Variants in NXPH1 observed in about 807,000 individuals in gnomAD.
The protein encoded by NXPH1 is neurexophilin 1.
In NXPH1, 5 loss-of-function variants were observed where a neutral mutation model predicts 23.7. The ratio of observed to expected loss-of-function variants is 0.21; its 90% CI spans 0.11 to 0.44. The LOEUF is 0.44. Ranked by LOEUF, NXPH1 falls within the 20% of genes least tolerant of loss-of-function variation. NXPH1 has a pLI of 0.99. For synonymous variants in NXPH1, 144 were observed against 122.2 expected (o/e 1.18, Z -1.18); for missense variants, 324 against 321.6 (o/e 1.01, Z -0.06).
intron 2 of NXPH1, among the ~76,000 whole-genome samples, chr7:8,470,682 C>A (rs1340108671): frequency 1.3e-5 from 2 of 152,150 alleles, no homozygotes; most frequent in Non-Finnish European, 2.9e-5. Flanking sequence ...CTTGCTTAGG[C>A]ATTTCATAGC....
At chr7:8,639,849 C>G (rs1004917813) in intron 2 of NXPH1, among the ~76,000 whole-genome samples, 4 of 152,180 alleles carry the variant, frequency 2.6e-5, no homozygotes, top group Non-Finnish European at 2.9e-5. Flanking sequence ...TGCCTTTCGC[C>G]TTCACCATGA....
At chr7:8,501,405 A>G (rs1350935932) in intron 2 of NXPH1, among the ~76,000 whole-genome samples, 1 of 152,026 alleles carries the variant, frequency 6.6e-6, no homozygotes, top group Non-Finnish European at 1.5e-5. Flanking sequence ...ATACCCAGCC[A>G]TGTATCCTGG....
chr7:8,519,062 CT>C (rs1817729871), intron 2 of NXPH1, among the ~76,000 whole-genome samples: 1 of 152,134 alleles, frequency 6.6e-6, no homozygotes, highest in Non-Finnish European at 1.5e-5. Flanking sequence ...GTCTCCTCAA[CT>C]TTCCATTACC....
chr7:8,546,908 C>T (rs1476596086), intron 2 of NXPH1, among the ~76,000 whole-genome samples: 1 of 151,422 alleles, frequency 6.6e-6, no homozygotes, highest in Non-Finnish European at 1.5e-5. Flanking sequence ...CTCTTTGACC[C>T]TCAAATACTT....
At position 8,452,116 on chromosome 7, in the gene NXPH1, G is replaced by A. The variant is rs986719287; in HGVS notation, c.54+16349G>A. The stretch of plus-strand genomic sequence containing the variant: ...GTGAAATTGATTTGGTCCCAGGCCC[G>A]GAAATGGAACTTTGTCAGTGATTCT... On this transcript the variant is annotated intron_variant, in intron 2 of 2. Transcript: ENST00000405863. Among the ~76,000 whole-genome samples, 3 of 152,142 alleles carry A rather than the reference G, an allele frequency of 2.0e-5. No individual in the cohort carries two copies. In the East Asian group the frequency reaches 5.8e-4, roughly 29 times the overall value.
intron 2 of NXPH1, among the ~76,000 whole-genome samples, chr7:8,655,459 C>CACACAT (rs1471954421): frequency 3.8e-5 from 5 of 131,960 alleles, no homozygotes; most frequent in African/African-American, 1.4e-4. Flanking sequence ...TATACACACA[C>CACACAT]ACACACACAC....
At chr7:8,663,178 G>C (rs1820706645) in intron 2 of NXPH1, among the ~76,000 whole-genome samples, 1 of 152,086 alleles carries the variant, frequency 6.6e-6, no homozygotes, top group Non-Finnish European at 1.5e-5. Context: ...GTCAATGTTT[G>C]TGAGTATCTA....
chr7:8,557,676 C>T (rs1239404766), intron 2 of NXPH1, among the ~76,000 whole-genome samples: 2 of 151,582 alleles, frequency 1.3e-5, no homozygotes, highest in African/African-American at 4.8e-5. Context: ...AGAACTGGTG[C>T]AGTAAAAACA....
chr7:8,461,761 C>T (rs1347872224), intron 2 of NXPH1, among the ~76,000 whole-genome samples: 2 of 144,096 alleles, frequency 1.4e-5, no homozygotes, highest in African/African-American at 5.4e-5. Context: ...ACCCGGGAGG[C>T]GGAGCTTGCA....
intron 2 of NXPH1, among the ~76,000 whole-genome samples, chr7:8,543,509 T>G (rs957915534): frequency 1.3e-5 from 2 of 151,578 alleles, no homozygotes; most frequent in African/African-American, 4.8e-5. Flanking sequence ...CAATGCAGAT[T>G]TGGGGCCAAA....
intron 2 of NXPH1, among the ~76,000 whole-genome samples, chr7:8,588,400 C>T (rs1819021893): frequency 6.6e-6 from 1 of 151,962 alleles, no homozygotes; most frequent in South Asian, 2.1e-4. Flanking sequence ...ATTAAAACTG[C>T]ACTGGGATAT....
intron 2 of NXPH1, among the ~76,000 whole-genome samples, chr7:8,535,293 T>A (rs1563338701): frequency 1.3e-5 from 2 of 152,066 alleles, no homozygotes; most frequent in African/African-American, 4.8e-5. Flanking sequence ...GTGGAAATAA[T>A]GGGGACAAAT....
At chr7:8,472,419 A>G (rs888594211) in intron 2 of NXPH1, among the ~76,000 whole-genome samples, 6 of 152,150 alleles carry the variant, frequency 3.9e-5, no homozygotes, top group African/African-American at 1.4e-4. Flanking sequence ...CAACATTGCC[A>G]TTTTACAAAT....
intron 2 of NXPH1, among the ~76,000 whole-genome samples, chr7:8,535,905 A>G (rs992750083): frequency 1.3e-5 from 2 of 152,034 alleles, no homozygotes; most frequent in Admixed American, 6.6e-5. Context: ...TTCCTTTGCC[A>G]GAAGCATCTC....
intron 2 of NXPH1, among the ~76,000 whole-genome samples, chr7:8,521,101 G>T (rs1056515542): frequency 6.6e-6 from 1 of 152,080 alleles, no homozygotes; most frequent in Non-Finnish European, 1.5e-5. Context: ...ACTTCCTAGG[G>T]TGATTCTAGT....
At chr7:8,560,908 C>T (rs183576278) in intron 2 of NXPH1, among the ~76,000 whole-genome samples, 5 of 151,650 alleles carry the variant, frequency 3.3e-5, no homozygotes, top group Admixed American at 3.3e-4. Flanking sequence ...CATAACACAT[C>T]TGGCTGCAGG....
intron 2 of NXPH1, among the ~76,000 whole-genome samples, chr7:8,640,552 G>A (rs1429125602): frequency 6.6e-6 from 1 of 151,750 alleles, no homozygotes; most frequent in African/African-American, 2.4e-5. Flanking sequence ...AAATGAATTG[G>A]CTTTATTGTG....
At chr7:8,441,445 C>T (rs1326448730) in intron 2 of NXPH1, among the ~76,000 whole-genome samples, 2 of 152,064 alleles carry the variant, frequency 1.3e-5, no homozygotes, top group East Asian at 3.9e-4. Flanking sequence ...GACGACTCTG[C>T]TTGAAGGAAT....
intron 2 of NXPH1, among the ~76,000 whole-genome samples, chr7:8,592,300 G>C (rs1417290473): frequency 6.6e-6 from 1 of 151,928 alleles, no homozygotes; most frequent in Non-Finnish European, 1.5e-5. Flanking sequence ...CAAATGTCAC[G>C]CAATACATAA....
Sources: allele counts gnomAD v4.1 joint callset (sites outside exome capture counted in the v4.1 genomes callset), GRCh38; gene constraint gnomAD v4.1.1; transcripts MANE v1.5; gene names NCBI Gene and HGNC (gene_info 2026-07-23, HGNC 2026-07-21).